Variants in TRMT11 observed in about 807,000 individuals in gnomAD.
The protein encoded by TRMT11 is tRNA (guanine(10)-N(2))-methyltransferase TRMT11.
A neutral mutation model predicts 62.8 loss-of-function variants in TRMT11; 53 were observed. The observed-to-expected ratio is 0.84, with a 90% confidence interval of 0.68 to 1.06. The LOEUF is 1.06. TRMT11 is among the 50% of genes least tolerant of loss of function. The probability of loss-of-function intolerance (pLI) is 0.00; values close to 1 mark genes in which losing one functional copy is unlikely to be tolerated. For missense variants in TRMT11, 556 were observed against 553.4 expected, an observed-to-expected ratio of 1.00 and a Z score of -0.05; for synonymous variants, 188 against 190.3, an observed-to-expected ratio of 0.99 and a Z score of 0.10.
chr6:126,088,974 AT>A (rs1449710589), intron 17 of TRMT11, among the ~76,000 whole-genome samples: 21 of 152,358 alleles, frequency 1.4e-4, no homozygotes, highest in Admixed American at 1.0e-3. Context: ...GTTCTCAATT[AT>A]TTGGATAATT....
intron 21 of TRMT11, among the ~76,000 whole-genome samples, chr6:126,120,248 T>C (rs1777634476): frequency 6.6e-6 from 1 of 152,080 alleles, no homozygotes; most frequent in African/African-American, 2.4e-5. Flanking sequence ...GCACTCACCC[T>C]GGGTGACAGA....
Position 126,013,017 on chromosome 6 carries a change from T to C in TRMT11, c.1055T>C (p.Met352Thr), listed in dbSNP as rs754077135. The change falls in exon 11 of 13, where the codon ATG (methionine) becomes ACG (threonine). Residue 352 changes from methionine (M) to threonine (T), a missense_variant. Coordinates refer to ENST00000334379, the MANE Select transcript of TRMT11 (RefSeq NM_001031712.3). ...PVSLSYHLSD[M>T]FLDLLNFAAE... Reference sequence around the variant, plus strand: ...TCCTTGAGTTATCATCTGAGTGATATGTTTCTTGACCTGTTAAACTTCGCA... The same window carrying C: ...TCCTTGAGTTATCATCTGAGTGATACGTTTCTTGACCTGTTAAACTTCGCA... 8.1e-6 allele frequency: 13 copies of C among 1,613,764 alleles called. No individual in the cohort carries two copies. In the African/African-American group the frequency reaches 1.1e-4, roughly 13 times the overall value.
At chr6:126,021,095 A>G in intron 11 of TRMT11, 65 bp from the exon 12 acceptor site, 1 of 1,596,552 alleles carries the variant, frequency 6.3e-7, no homozygotes, top group Non-Finnish European at 8.6e-7. Context: ...ACACTGGACG[A>G]TCCCCATGAT....
chr6:126,248,343 T>C, the TRMT11 span, among the ~76,000 whole-genome samples: 8 of 152,124 alleles, frequency 5.3e-5, no homozygotes, highest in African/African-American at 1.9e-4. Context: ...AACTAAAGTA[T>C]TCAGAAATGA....
intron 1 of TRMT11, among the ~76,000 whole-genome samples, chr6:126,190,342 G>C (rs149237665): frequency 2.0e-5 from 3 of 152,094 alleles, no homozygotes; most frequent in Non-Finnish European, 2.9e-5. Flanking sequence ...TGCTGTTCTC[G>C]AGATAGGGAG....
chr6:126,120,703 C>T (rs758953043), intron 21 of TRMT11, among the ~76,000 whole-genome samples: 1 of 152,062 alleles, frequency 6.6e-6, no homozygotes, highest in Non-Finnish European at 1.5e-5. Flanking sequence ...AAATGTGAGA[C>T]TAAAAAGTTA....
rs375228830 is a variant in TRMT11, at chr6:126,020,727, A to C, written c.1140-433A>C. Among the ~76,000 whole-genome samples the C allele has an allele frequency of 1.8e-4, 27 of 152,290 alleles. No individual in the cohort carries two copies. The East Asian group carries it at 5.0e-3, about 28-fold the overall frequency. On this transcript the variant is annotated intron_variant, in intron 11 of 12. Coordinates refer to ENST00000334379, the MANE Select transcript of TRMT11 (RefSeq NM_001031712.3). Reference sequence around the variant, plus strand: ...GTTATTAAAATTTTACGGGCACTTCATTTTAGAGGGGAAAGTATATGCTGT... The same window carrying C: ...GTTATTAAAATTTTACGGGCACTTCCTTTTAGAGGGGAAAGTATATGCTGT...
chr6:126,149,385 A>G (rs1778012037), intron 21 of TRMT11, among the ~76,000 whole-genome samples: 1 of 152,052 alleles, frequency 6.6e-6, no homozygotes, highest in South Asian at 2.1e-4. Flanking sequence ...TTGTATCTCT[A>G]TTGGGGTCAT....
intron 17 of TRMT11, among the ~76,000 whole-genome samples, chr6:126,109,925 C>T (rs750824261): frequency 6.6e-6 from 1 of 152,146 alleles, no homozygotes; most frequent in Non-Finnish European, 1.5e-5. Flanking sequence ...AAGACCAGGT[C>T]TGGGTTGGCA....
chr6:126,014,803 G>T (rs1368114230), intron 11 of TRMT11, among the ~76,000 whole-genome samples: 1 of 151,920 alleles, frequency 6.6e-6, no homozygotes, highest in Non-Finnish European at 1.5e-5. Context: ...ACCTCTTTTA[G>T]AAATGAGGAA....
chr6:126,247,669 A>G, the TRMT11 span, among the ~76,000 whole-genome samples: 1 of 150,940 alleles, frequency 6.6e-6, no homozygotes, highest in Non-Finnish European at 1.5e-5. Context: ...AAAATGGAAA[A>G]TAAGTGCTGG....
chr6:126,262,864 A>G, the TRMT11 span, among the ~76,000 whole-genome samples: 1 of 152,106 alleles, frequency 6.6e-6, no homozygotes, highest in Non-Finnish European at 1.5e-5. Flanking sequence ...TGTGCTCCAC[A>G]GGGATTTTGC....
intron 7 of TRMT11, among the ~76,000 whole-genome samples, chr6:126,002,400 C>T (rs917927097): frequency 6.6e-6 from 1 of 152,074 alleles, no homozygotes; most frequent in Non-Finnish European, 1.5e-5. Flanking sequence ...AACCCTGATT[C>T]CTAGCTACAT....
intron 17 of TRMT11, among the ~76,000 whole-genome samples, chr6:126,106,042 G>A (rs1031121832): frequency 3.3e-5 from 5 of 152,184 alleles, no homozygotes; most frequent in Admixed American, 2.0e-4. Flanking sequence ...CCAACAGATG[G>A]GCTACTGGCC....
intron 11 of TRMT11, 107 bp downstream of exon 11, chr6:126,013,208 A>AAT (rs1324084281): frequency 1.0e-6 from 1 of 993,944 alleles, no homozygotes; most frequent in Non-Finnish European, 1.5e-6. Context: ...CTTTATATTT[A>AAT]ATTTGTAATA....
chr6:126,097,482 G>T (rs1433391318), intron 17 of TRMT11, among the ~76,000 whole-genome samples: 1 of 152,066 alleles, frequency 6.6e-6, no homozygotes, highest in African/African-American at 2.4e-5. Flanking sequence ...CATCATTTTG[G>T]CTATTCTTTC....
intron 16 of TRMT11, among the ~76,000 whole-genome samples, chr6:126,051,196 A>T (rs1473450441): frequency 6.6e-6 from 1 of 152,242 alleles, no homozygotes; most frequent in Non-Finnish European, 1.5e-5. Context: ...TTACACAGGG[A>T]CATCCCTACA....
At chr6:126,049,712 A>G (rs2128105989) in intron 16 of TRMT11, among the ~76,000 whole-genome samples, 1 of 152,336 alleles carries the variant, frequency 6.6e-6, no homozygotes, top group African/African-American at 2.4e-5. Flanking sequence ...GCCTCAATGG[A>G]GTTTGGAAGG....
intron 7 of TRMT11, among the ~76,000 whole-genome samples, chr6:126,002,633 T>G (rs1178025693): frequency 3.9e-5 from 6 of 152,066 alleles, no homozygotes; most frequent in Non-Finnish European, 7.4e-5. Context: ...GGTTTTTATC[T>G]CCTATCCCCC....
Sources: gnomAD v4.1 joint callset for allele counts (sites outside exome capture counted in the v4.1 genomes callset) on GRCh38, gnomAD v4.1.1 for gene constraint, MANE v1.5 for transcripts, NCBI Gene and HGNC (gene_info 2026-07-23, HGNC 2026-07-21) for gene names.